The following PSD3 variants were observed in gnomAD, a reference collection of about 807,000 sequenced individuals.
PSD3 encodes the protein pleckstrin and Sec7 domain containing 3.
In PSD3, 49 loss-of-function variants were observed where a neutral mutation model predicts 105.5. The ratio of observed to expected loss-of-function variants is 0.46; its 90% CI spans 0.37 to 0.59. PSD3 has a LOEUF of 0.59. Among genes scored for constraint, PSD3 ranks in the 20% least tolerant of loss-of-function variants. PSD3 has a pLI of 0.00. For synonymous variants in PSD3, 557 were observed against 457.8 expected, an observed-to-expected ratio of 1.22 and a Z score of -2.77; for missense variants, 1,561 against 1,263.8, an observed-to-expected ratio of 1.24 and a Z score of -3.57.
chr8:18,752,651 AAT>A (rs1563226009), intron 9 of PSD3, among the ~76,000 whole-genome samples: 1 of 95,712 alleles, frequency 1.0e-5, no homozygotes, highest in African/African-American at 4.2e-5. Context: ...TAATATATAT[AAT>A]ATATTATATT....
chr8:18,741,819 A>C (rs1804601912), intron 9 of PSD3, among the ~76,000 whole-genome samples: 1 of 123,040 alleles, frequency 8.1e-6, no homozygotes. Flanking sequence ...AAAAAAAAAA[A>C]GGCTATGCCA....
rs1019484526 is a variant in PSD3 at position 18,545,331 on chromosome 8, A to G, written c.2929-9373T>C. The stretch of plus-strand genomic sequence containing the variant: ...GCAACCTTACGAAGATCTGCCACCC[A>G]CAAGGCCTCTGGCTCTGGCTGTTTC... On this transcript the variant is annotated intron_variant, in intron 15 of 15. Coordinates refer to ENST00000327040, the MANE Select transcript of PSD3 (RefSeq NM_015310.4). 3.3e-5 allele frequency among the ~76,000 whole-genome samples: 5 copies of G among 152,194 alleles called. No individual in the cohort carries two copies. In the East Asian group the frequency reaches 7.7e-4, roughly 23 times the overall value.
intron 14 of PSD3, among the ~76,000 whole-genome samples, chr8:18,558,950 T>C (rs1213219976): frequency 2.0e-5 from 3 of 152,246 alleles, no homozygotes; most frequent in Non-Finnish European, 2.9e-5. Flanking sequence ...TCTACATGTA[T>C]GCTCTAGTTC....
intron 11 of PSD3, among the ~76,000 whole-genome samples, chr8:18,622,445 A>G (rs1360365878): frequency 6.6e-6 from 1 of 152,208 alleles, no homozygotes; most frequent in African/African-American, 2.4e-5. Context: ...GCTGTGCTAG[A>G]TGAGAATTTA....
In PSD3 at chr8:18,674,948, G is replaced by T. The variant is rs553462509; in HGVS notation, c.2173-19263C>A. Among the ~76,000 whole-genome samples, 6 of 152,042 alleles carry T rather than the reference G, an allele frequency of 3.9e-5. No homozygotes were observed. The South Asian group carries it at 6.2e-4, about 16-fold the overall frequency. ...GCCAGGATTTCAGGGCTACAGTGAG[G>T]TATGTTCTTACTACTGCACTCCAGC... is the stretch of plus-strand genomic sequence containing the variant. On this transcript the variant is annotated intron_variant, in intron 9 of 15. Coordinates refer to ENST00000327040, the MANE Select transcript of PSD3 (RefSeq NM_015310.4).
chr8:19,024,913 A>G (rs73204590), intron 1 of PSD3, among the ~76,000 whole-genome samples: 52,876 of 151,978 alleles, frequency 0.35, 10,744 homozygotes, highest in Middle Eastern at 0.57. Context: ...ACCAGTAAAC[A>G]TAAGTAAAGT....
chr8:18,816,768 C>A (rs138494554), intron 4 of PSD3, among the ~76,000 whole-genome samples: 1 of 152,154 alleles, frequency 6.6e-6, no homozygotes, highest in Non-Finnish European at 1.5e-5. Flanking sequence ...GAACATGTTA[C>A]GACTCACACA....
intron 2 of PSD3, among the ~76,000 whole-genome samples, chr8:18,908,531 T>C (rs1323700574): frequency 6.6e-6 from 1 of 152,176 alleles, no homozygotes; most frequent in Non-Finnish European, 1.5e-5. Context: ...CCTGCACTGC[T>C]TCTCCCCTCC....
In PSD3 at chr8:18,572,641, T is replaced by G; in HGVS notation, c.2671A>C (p.Lys891Gln). 1 of 1,614,128 alleles carries G rather than the reference T, an allele frequency of 6.2e-7. No individual in the cohort carries two copies. Among genetic ancestry groups the G allele is most frequent in the South Asian group, 1.1e-5 (1 of 91,082 alleles). The change falls in exon 14 of 16, where the codon AAA becomes CAA. Residue 891 changes from lysine to glutamine, a missense_variant. Lys to Gln is a moderately conservative substitution (Grantham distance 53, BLOSUM62 1). Transcript: ENST00000327040. ...SPEEMQGWIN[K>Q]INCVAAVFSA... The stretch of plus-strand genomic sequence containing the variant: ...AATACAGCTGCCACACAATTGATTT[T>G]GTTTATCCACCCTTGCATTTCCTCT...
chr8:18,871,739 G>A lies in PSD3; in HGVS notation c.1125C>T (p.Ser375=). The change falls in exon 3 of 16, where the codon AGC becomes AGT. Residue 375 remains serine (S), a synonymous_variant. Coordinates refer to ENST00000327040, the MANE Select transcript of PSD3 (RefSeq NM_015310.4). ...GACGCACAGGGGAAAATGTCCCCGA[G>A]CTAGTGCCAGGCCTCTCTGAAGGAG... is the stretch of plus-strand genomic sequence containing the variant. The part of the protein sequence containing the change: ...WKAPSERPGT[S]SGTFSPVRLD... 6.2e-7 allele frequency: 1 copy of A among 1,614,156 alleles called. No homozygotes were observed. Among genetic ancestry groups the A allele is most frequent in the Non-Finnish European group, 8.5e-7 (1 of 1,180,016 alleles).
At chr8:19,044,278 C>CT (rs1828236938) in intron 1 of PSD3, among the ~76,000 whole-genome samples, 1 of 152,164 alleles carries the variant, frequency 6.6e-6, no homozygotes, top group East Asian at 1.9e-4. Flanking sequence ...CTCCTAGCTG[C>CT]TTTTTCTCCT....
At chr8:18,934,540 A>T (rs1821977653) in intron 2 of PSD3, among the ~76,000 whole-genome samples, 1 of 152,078 alleles carries the variant, frequency 6.6e-6, no homozygotes, top group South Asian at 2.1e-4. Flanking sequence ...CCTCCCGAGT[A>T]GCTGTGACTA....
intron 4 of PSD3, among the ~76,000 whole-genome samples, chr8:18,827,932 A>G (rs1813333448): frequency 6.7e-6 from 1 of 150,024 alleles, no homozygotes; most frequent in African/African-American, 2.4e-5. Context: ...CAGATTAAAA[A>G]AAAAAAAAAG....
chr8:18,717,981 C>G (rs960992738), intron 9 of PSD3, among the ~76,000 whole-genome samples: 2 of 152,142 alleles, frequency 1.3e-5, no homozygotes, highest in African/African-American at 4.8e-5. Context: ...AAGACGGCAC[C>G]CAGCGGCCTG....
chr8:18,591,108 A>G (rs1164816828), intron 12 of PSD3, among the ~76,000 whole-genome samples: 3 of 152,158 alleles, frequency 2.0e-5, no homozygotes, highest in Non-Finnish European at 2.9e-5. Flanking sequence ...AAATCCAGTG[A>G]AGAGGTTGTA....
chr8:18,658,338 T>G (rs1809053332), intron 9 of PSD3, among the ~76,000 whole-genome samples: 1 of 152,164 alleles, frequency 6.6e-6, no homozygotes, highest in African/African-American at 2.4e-5. Flanking sequence ...TCCCATCTTT[T>G]TATCTACTCA....
intron 4 of PSD3, among the ~76,000 whole-genome samples, chr8:18,859,113 A>G (rs751351910): frequency 8.6e-5 from 13 of 151,672 alleles, no homozygotes; most frequent in Admixed American, 2.0e-4. Context: ...CAGAATGGAT[A>G]TTGTGTTGGC....
At chr8:18,687,480 T>A (rs1004800955) in intron 9 of PSD3, among the ~76,000 whole-genome samples, 1 of 143,148 alleles carries the variant, frequency 7.0e-6, no homozygotes, top group African/African-American at 2.8e-5. Flanking sequence ...AAAGAAAATT[T>A]AGCAGTTTTT....
intron 2 of PSD3, among the ~76,000 whole-genome samples, chr8:18,927,904 T>C (rs1821476767): frequency 6.6e-6 from 1 of 152,168 alleles, no homozygotes; most frequent in Non-Finnish European, 1.5e-5. Context: ...GGTGGGAATA[T>C]AAAATTGTAC....
Sources: allele counts gnomAD v4.1 joint callset (sites outside exome capture counted in the v4.1 genomes callset), GRCh38; gene constraint gnomAD v4.1.1; transcripts MANE v1.5; gene names NCBI Gene and HGNC (gene_info 2026-07-23, HGNC 2026-07-21).